The following SLC35B1 variants were observed in gnomAD, a reference collection of about 807,000 sequenced individuals.
SLC35B1 encodes solute carrier family 35 member B1, also known as ATP/ADP exchanger ER.
In SLC35B1, 27 loss-of-function variants were observed where a neutral mutation model predicts 36.6. That is an observed-to-expected ratio of 0.74 (90% CI 0.54 to 1.02). The LOEUF (loss-of-function observed/expected upper bound fraction) is 1.02, where lower values mean the gene tolerates loss of function less well. Among genes scored for constraint, SLC35B1 ranks in the 50% least tolerant of loss-of-function variants. SLC35B1 has a pLI of 0.00. For missense variants in SLC35B1, 321 were observed against 383.2 expected (o/e 0.84, Z 1.35); for synonymous variants, 162 against 152.5 (o/e 1.06, Z -0.46).
In SLC35B1 at chr17:49,705,899, G is replaced by A. The variant is rs776776639; in HGVS notation, c.340-3C>T. ...GGCTTGCAGGATTTACCAAGGACCT[G>A]AAATTAAATCCAGCAAATAATTTCT... On this transcript the variant is annotated splice_region_variant and splice_polypyrimidine_tract_variant and intron_variant, in intron 3 of 8. Coordinates refer to ENST00000240333, the MANE Select transcript of SLC35B1 (RefSeq NM_005827.4). The A allele has an allele frequency of 1.9e-6, 3 of 1,613,774 alleles. No homozygotes were observed. The highest frequency in any genetic ancestry group is 2.2e-5 in the East Asian group (1 of 44,878).
At position 49,706,346 on chromosome 17, in the gene SLC35B1, C is replaced by CAAAAAAAAAAAAAAAAAAAAGAAAAAAA; in HGVS notation, c.209-13_209-12insTTTTTTTCTTTTTTTTTTTTTTTTTTTT. On this transcript the variant is annotated splice_polypyrimidine_tract_variant and intron_variant, in intron 2 of 8. Transcript: ENST00000240333. ...AAAAAACTGGATCACTGGGAGAAGA[C>CAAAAAAAAAAAAAAAAAAAAGAAAAAAA]AAAAAAAAAAAAAAAAAAAGAAAAG... is the stretch of plus-strand genomic sequence containing the variant. 1.4e-6 allele frequency: 1 copy of CAAAAAAAAAAAAAAAAAAAAGAAAAAAA among 732,216 alleles called. No individual in the cohort carries two copies. Among genetic ancestry groups the CAAAAAAAAAAAAAAAAAAAAGAAAAAAA allele is most frequent in the South Asian group, 4.6e-5 (1 of 21,746 alleles). The allele number at this position is 732,216 out of a possible 1,614,324, so 45.4% of individuals were successfully genotyped here.
intron 8 of SLC35B1, 46 bp from the exon 9 acceptor site, chr17:49,701,556 A>G (rs2073351643): frequency 1.3e-6 from 2 of 1,551,498 alleles, no homozygotes; most frequent in South Asian, 2.2e-5. Context: ...GGGGAAATGA[A>G]ACTTACCAAT....
intron 2 of SLC35B1, 32 bp from the exon 3 acceptor site, chr17:49,706,366 G>GAAAAAAAAAAAAAAAAAAAAAC: frequency 2.2e-6 from 1 of 455,182 alleles, no homozygotes. Flanking sequence ...AAAAAAAAAA[G>GAAAAAAAAAAAAAAAAAAAAAC]AAAAGAAAAG....
intron 8 of SLC35B1, chr17:49,702,441 T>C (rs1292746821): frequency 6.4e-6 from 1 of 156,828 alleles, no homozygotes; most frequent in East Asian, 1.9e-4. Context: ...TTTAAAAAAG[T>C]TTTCTCTGGG....
At chr17:49,701,554 G>T in intron 8 of SLC35B1, 44 bp from the exon 9 acceptor site, 2 of 1,555,424 alleles carry the variant, frequency 1.3e-6, no homozygotes, top group Non-Finnish European at 1.8e-6. Flanking sequence ...GGGGGGAAAT[G>T]AAACTTACCA....
chr17:49,701,536 A>C (rs778399912), intron 8 of SLC35B1, 26 bp from the exon 9 acceptor site: 11 of 1,608,632 alleles, frequency 6.8e-6, no homozygotes, highest in Non-Finnish European at 9.4e-6. Flanking sequence ...AAATGGGCTT[A>C]GCCTTATGGG....
intron 6 of SLC35B1, chr17:49,703,700 T>A (rs150277892): frequency 1.3e-4 from 42 of 318,162 alleles, no homozygotes; most frequent in African/African-American, 8.6e-4. Context: ...TTTCTACATG[T>A]GCCCAAATTT....
Position 49,703,049 on chromosome 17 carries a change from G to C in SLC35B1, c.763-38C>G, listed in dbSNP as rs546304887. On this transcript the variant is annotated intron_variant, in intron 7 of 8. Transcript: ENST00000240333. ...AAAGGTGAGGTCCGGTGGGCTTCTGGGTATCTGCCATTGGTCTAAAGTCTA... is the reference window on the plus strand; with the variant it reads ...AAAGGTGAGGTCCGGTGGGCTTCTGCGTATCTGCCATTGGTCTAAAGTCTA... 4.3e-6 allele frequency: 7 copies of C among 1,612,584 alleles called. No individual in the cohort carries two copies. In the South Asian group the frequency reaches 6.6e-5, roughly 15 times the overall value.
chr17:49,705,433 G>C (rs771683025), intron 4 of SLC35B1, 152 bp from the exon 5 acceptor site: 110 of 744,928 alleles, frequency 1.5e-4, no homozygotes, highest in Non-Finnish European at 2.3e-4. Context: ...TGCCAGGCTG[G>C]CACCTAGATA....
In SLC35B1 at chr17:49,701,262, T is replaced by C. The variant is rs1465002032; in HGVS notation, c.*196A>G. On this transcript the variant is annotated 3_prime_UTR_variant, in exon 9 of 9. Coordinates refer to ENST00000240333, the MANE Select transcript of SLC35B1 (RefSeq NM_005827.4). Reference sequence around the variant, plus strand: ...ATTTACCATAGACTGCTCCAGGGCATGAAGAACAAAAACCACCACTCTGTC... The same window carrying C: ...ATTTACCATAGACTGCTCCAGGGCACGAAGAACAAAAACCACCACTCTGTC... 3.6e-6 allele frequency: 2 copies of C among 559,078 alleles called. No homozygotes were observed. The highest frequency in any genetic ancestry group is 6.4e-6 in the Non-Finnish European group (2 of 312,266). The allele number at this position is 559,078 out of a possible 1,614,324, so 34.6% of individuals were successfully genotyped here.
At chr17:49,704,735 T>C (rs2073394861) in intron 5 of SLC35B1, among the ~76,000 whole-genome samples, 1 of 152,232 alleles carries the variant, frequency 6.6e-6, no homozygotes, top group African/African-American at 2.4e-5. Context: ...TCAATTAACA[T>C]GTAAAACACT....
At position 49,707,875 on chromosome 17, in the gene SLC35B1, G is replaced by GT; in HGVS notation, c.-43_-42insA. The GT allele has an allele frequency of 6.2e-7, 1 of 1,607,576 alleles. No homozygotes were observed. The highest frequency in any genetic ancestry group is 8.5e-7 in the Non-Finnish European group (1 of 1,177,848). ...CCGACTGGAGACCCGCTCACAACCGGCACCGGCAGCAGCGGCGGCGGAGGC... is the reference window on the plus strand; with the variant it reads ...CCGACTGGAGACCCGCTCACAACCGGTCACCGGCAGCAGCGGCGGCGGAGGC... On this transcript the variant is annotated 5_prime_UTR_variant, in exon 1 of 9. The change creates a premature stop within an existing upstream ORF in the 5' untranslated region. Coordinates refer to ENST00000240333, the MANE Select transcript of SLC35B1 (RefSeq NM_005827.4).
intron 5 of SLC35B1, among the ~76,000 whole-genome samples, chr17:49,704,740 A>T (rs1335323898): frequency 1.3e-5 from 2 of 152,184 alleles, no homozygotes; most frequent in African/African-American, 4.8e-5. Context: ...TAACATGTAA[A>T]ACACTCGGAA....
At chr17:49,707,294 G>T in intron 1 of SLC35B1, 1 of 1,454,856 alleles carries the variant, frequency 6.9e-7, no homozygotes, top group Non-Finnish European at 9.1e-7. Flanking sequence ...AAGAATACCC[G>T]AAAAAGACGG....
rs1339980163 is a variant in SLC35B1, at chr17:49,703,471, T to C, written c.656-177A>G. 1.6e-5 allele frequency: 9 copies of C among 557,818 alleles called. No homozygotes were observed. In the Middle Eastern group the frequency reaches 1.4e-3, roughly 90 times the overall value. 34.6% of individuals were successfully genotyped at this position (557,818 alleles called of 1,614,324 possible). On this transcript the variant is annotated intron_variant, in intron 6 of 8. Transcript: ENST00000240333. Reference sequence around the variant, plus strand: ...TTTGCATCGTCTCATCATTGATTCTTCTCATATTTTTCTCTGATTAGAGAA... The same window carrying C: ...TTTGCATCGTCTCATCATTGATTCTCCTCATATTTTTCTCTGATTAGAGAA...
At chr17:49,705,477 G>A (rs1002205455) in intron 4 of SLC35B1, 196 bp from the exon 5 acceptor site, 7 of 607,676 alleles carry the variant, frequency 1.2e-5, no homozygotes, top group African/African-American at 3.7e-5. Flanking sequence ...ATAAGACAGG[G>A]AGGAGGTAGA....
At chr17:49,702,678 C>A (rs1410085832) in intron 8 of SLC35B1, 180 bp downstream of exon 8, 1 of 595,908 alleles carries the variant, frequency 1.7e-6, no homozygotes. Flanking sequence ...GAGGCTCACC[C>A]GATTGGTGAG....
intron 6 of SLC35B1, chr17:49,703,503 G>C (rs528208997): frequency 1.6e-5 from 8 of 496,072 alleles, no homozygotes; most frequent in African/African-American, 1.4e-4. Flanking sequence ...AGAAACTAAA[G>C]AGAATTTTGT....
rs561048576 is a variant in SLC35B1 at position 49,705,409 on chromosome 17, G to A, written c.371-128C>T. On this transcript the variant is annotated intron_variant, in intron 4 of 8. Transcript: ENST00000240333. ...ATGACTGAGAAGGAAGGCTTAGAGA[G>A]GACAAAAGGAGGGTGCCAGGCTGGC... 6.7e-5 allele frequency: 65 copies of A among 969,914 alleles called. No individual in the cohort carries two copies. In the African/African-American group the frequency reaches 9.4e-4, roughly 14 times the overall value. The allele number at this position is 969,914 out of a possible 1,614,324, so 60.1% of individuals were successfully genotyped here.
Sources: gnomAD v4.1 joint callset for allele counts (sites outside exome capture counted in the v4.1 genomes callset) on GRCh38, gnomAD v4.1.1 for gene constraint, MANE v1.5 for transcripts, NCBI Gene and HGNC (gene_info 2026-07-23, HGNC 2026-07-21) for gene names.